TBC1D9: variants seen among roughly 807,000 people sequenced by gnomAD.
TBC1D9 encodes the protein TBC1 domain family member 9, also known as TBC1 domain family member 9A.
TBC1D9 carries 63 observed loss-of-function variants against 132.0 expected under a neutral mutation model. The observed-to-expected ratio is 0.48, with a 90% CI of 0.39 to 0.59. The LOEUF (loss-of-function observed/expected upper bound fraction) is 0.59. Among genes scored for constraint, TBC1D9 ranks in the 20% least tolerant of loss-of-function variants. The pLI is 0.00. For synonymous variants in TBC1D9, 610 were observed against 609.9 expected (o/e 1.00, Z 0.00); for missense variants, 1,261 against 1,592.7 (o/e 0.79, Z 3.54).
At chr4:140,651,739 GA>G (rs1737190337) in intron 13 of TBC1D9, among the ~76,000 whole-genome samples, 1 of 151,244 alleles carries the variant, frequency 6.6e-6, no homozygotes, top group Non-Finnish European at 1.5e-5. Context: ...GTTACTTCAG[GA>G]AAAAAAGAAA....
chr4:140,750,339 A>G (rs888978590), intron 1 of TBC1D9, among the ~76,000 whole-genome samples: 21 of 152,066 alleles, frequency 1.4e-4, no homozygotes, highest in African/African-American at 4.8e-4. Flanking sequence ...TAAGAATTAA[A>G]AAAGAAATAA....
chr4:140,639,309 G>C, intron 14 of TBC1D9, 21 bp downstream of exon 14: 1 of 1,586,316 alleles, frequency 6.3e-7, no homozygotes, highest in Non-Finnish European at 8.6e-7. Context: ...GAGGTTGCCT[G>C]CTACTTCTTA....
intron 1 of TBC1D9, among the ~76,000 whole-genome samples, chr4:140,716,643 A>G (rs938808345): frequency 6.6e-6 from 1 of 152,180 alleles, no homozygotes; most frequent in African/African-American, 2.4e-5. Context: ...ACTTGTCACA[A>G]CAGAGGGGTA....
At chr4:140,661,536 GC>G (rs1737361549) in intron 10 of TBC1D9, among the ~76,000 whole-genome samples, 1 of 152,146 alleles carries the variant, frequency 6.6e-6, no homozygotes, top group Non-Finnish European at 1.5e-5. Context: ...AGGTCACCTA[GC>G]TAGACAGTGG....
chr4:140,669,911 G>T, intron 7 of TBC1D9, 107 bp from the exon 8 acceptor site: 2 of 1,148,336 alleles, frequency 1.7e-6, no homozygotes, highest in Non-Finnish European at 1.2e-6. Context: ...TTTTTCCCAT[G>T]GTGTTTCTTG....
At chr4:140,664,052 A>C (rs1737407093) in intron 9 of TBC1D9, among the ~76,000 whole-genome samples, 1 of 151,506 alleles carries the variant, frequency 6.6e-6, no homozygotes, top group South Asian at 2.1e-4. Flanking sequence ...AAAAAAAAAA[A>C]AAAACAAGAA....
chr4:140,654,312 G>T (rs1420239573), intron 13 of TBC1D9, among the ~76,000 whole-genome samples: 1 of 152,182 alleles, frequency 6.6e-6, no homozygotes, highest in Non-Finnish European at 1.5e-5. Context: ...GTAAAAGAAA[G>T]TAGAGAGAAA....
chr4:140,730,041 C>T (rs1205573345), intron 1 of TBC1D9, among the ~76,000 whole-genome samples: 3 of 152,216 alleles, frequency 2.0e-5, no homozygotes, highest in South Asian at 4.1e-4. Context: ...TGCCTTCCCC[C>T]GTATAGACTC....
chr4:140,727,866 T>A (rs148365317), intron 1 of TBC1D9, among the ~76,000 whole-genome samples: 3 of 152,276 alleles, frequency 2.0e-5, no homozygotes, highest in Non-Finnish European at 4.4e-5. Flanking sequence ...GCTGGTAAAC[T>A]CCACCTGAGC....
intron 18 of TBC1D9, 49 bp from the exon 19 acceptor site, chr4:140,624,437 A>T (rs755356477): frequency 6.6e-7 from 1 of 1,524,418 alleles, no homozygotes; most frequent in South Asian, 1.2e-5. Context: ...ATATAATATG[A>T]CCATGGAATT....
At chr4:140,696,756 T>C (rs1004655359) in intron 2 of TBC1D9, among the ~76,000 whole-genome samples, 41 of 152,176 alleles carry the variant, frequency 2.7e-4, no homozygotes, top group Non-Finnish European at 8.8e-5. Context: ...TTATTAAAGA[T>C]TTACAAAACA....
intron 6 of TBC1D9, among the ~76,000 whole-genome samples, chr4:140,671,771 G>A (rs1359424706): frequency 1.3e-5 from 2 of 151,146 alleles, no homozygotes; most frequent in African/African-American, 4.9e-5. Flanking sequence ...ATATACGGGT[G>A]ATTTATAATA....
At chr4:140,657,309 C>G in intron 12 of TBC1D9, 83 bp from the exon 13 acceptor site, 5 of 1,518,610 alleles carry the variant, frequency 3.3e-6, no homozygotes, top group Non-Finnish European at 4.4e-6. Flanking sequence ...TCTGCAAGTT[C>G]TACATTTTAA....
intron 13 of TBC1D9, among the ~76,000 whole-genome samples, chr4:140,640,050 AAAGTATG>A (rs1255031952): frequency 1.3e-5 from 2 of 152,242 alleles, no homozygotes; most frequent in African/African-American, 2.4e-5. Flanking sequence ...AACCCTGGTT[AAAGTATG>A]AAGCTTAACC....
chr4:140,657,378 T>G (rs886943730), intron 12 of TBC1D9, 149 bp downstream of exon 12: 1 of 1,355,236 alleles, frequency 7.4e-7, no homozygotes. Flanking sequence ...TGTTAATTTC[T>G]AAAGAAAAAG....
At chr4:140,660,037 A>C (rs1372746052) in intron 10 of TBC1D9, among the ~76,000 whole-genome samples, 1 of 152,262 alleles carries the variant, frequency 6.6e-6, no homozygotes, top group Non-Finnish European at 1.5e-5. Context: ...GCTATTTCAC[A>C]AAGCTTTTAA....
At chr4:140,698,632 G>A (rs1738013740) in intron 2 of TBC1D9, among the ~76,000 whole-genome samples, 1 of 151,926 alleles carries the variant, frequency 6.6e-6, no homozygotes, top group Non-Finnish European at 1.5e-5. Flanking sequence ...CAGCTACTCA[G>A]GAGGCTGAGT....
chr4:140,649,065 T>C (rs919474014), intron 13 of TBC1D9, among the ~76,000 whole-genome samples: 1 of 152,252 alleles, frequency 6.6e-6, no homozygotes, highest in Admixed American at 6.5e-5. Context: ...TAAAAGAGAC[T>C]GACCACAAGG....
At chr4:140,652,698 C>T (rs1343637466) in intron 13 of TBC1D9, among the ~76,000 whole-genome samples, 2 of 152,240 alleles carry the variant, frequency 1.3e-5, no homozygotes, top group Non-Finnish European at 2.9e-5. Context: ...TTAACATTTA[C>T]ATGGCAGAGC....
Sources: gnomAD v4.1 joint callset for allele counts (sites outside exome capture counted in the v4.1 genomes callset) on GRCh38, gnomAD v4.1.1 for gene constraint, MANE v1.5 for transcripts, NCBI Gene and HGNC (gene_info 2026-07-23, HGNC 2026-07-21) for gene names.